TAOK3: variants seen among roughly 807,000 people sequenced by gnomAD.
TAOK3 encodes the protein serine/threonine-protein kinase TAO3.
TAOK3 carries 40 observed loss-of-function variants against 120.4 expected under a neutral mutation model. That is an observed-to-expected ratio of 0.33 (90% confidence interval 0.26 to 0.43). TAOK3 has a LOEUF of 0.43. Among genes scored for constraint, TAOK3 ranks in the 20% least tolerant of loss-of-function variants. TAOK3 has a pLI of 1.00. For missense variants in TAOK3, 821 were observed against 1,112.1 expected, an observed-to-expected ratio of 0.74 and a Z score of 3.72; for synonymous variants, 355 against 387.5, an observed-to-expected ratio of 0.92 and a Z score of 0.99.
At chr12:118,169,166 A>G (rs1398206029) in intron 17 of TAOK3, among the ~76,000 whole-genome samples, 1 of 151,834 alleles carries the variant, frequency 6.6e-6, no homozygotes, top group Non-Finnish European at 1.5e-5. Flanking sequence ...GGCACCCACC[A>G]CCACACTTGG....
At chr12:118,319,984 A>G (rs2043633761) in intron 1 of TAOK3, among the ~76,000 whole-genome samples, 1 of 152,234 alleles carries the variant, frequency 6.6e-6, no homozygotes, top group African/African-American at 2.4e-5. Flanking sequence ...GATGAACAAA[A>G]TGTGGGATAT....
chr12:118,343,109 T>G (rs2044695674), intron 1 of TAOK3, among the ~76,000 whole-genome samples: 1 of 151,904 alleles, frequency 6.6e-6, no homozygotes, highest in South Asian at 2.1e-4. Flanking sequence ...TGGAGTAAAT[T>G]TATTAATCAA....
At chr12:118,310,055 G>A (rs369267406) in intron 1 of TAOK3, among the ~76,000 whole-genome samples, 8 of 152,162 alleles carry the variant, frequency 5.3e-5, no homozygotes, top group East Asian at 3.9e-4. Context: ...CAGGCAGATC[G>A]CTTGAGCCCA....
intron 12 of TAOK3, 122 bp downstream of exon 12, chr12:118,201,174 G>A (rs2139276302): frequency 1.1e-6 from 1 of 935,032 alleles, no homozygotes. Context: ...AACCCTTCAT[G>A]TTTCTTAAGG....
intron 1 of TAOK3, among the ~76,000 whole-genome samples, chr12:118,292,266 TCA>T (rs1301709447): frequency 6.6e-6 from 1 of 152,222 alleles, no homozygotes; most frequent in African/African-American, 2.4e-5. Flanking sequence ...AGGGCTTCAT[TCA>T]GTCTTTTATT....
intron 11 of TAOK3, among the ~76,000 whole-genome samples, chr12:118,207,052 C>A (rs1254444478): frequency 6.6e-6 from 1 of 152,040 alleles, no homozygotes; most frequent in Non-Finnish European, 1.5e-5. Flanking sequence ...ATCGGCCAGG[C>A]ACGGTGGGTC....
intron 1 of TAOK3, among the ~76,000 whole-genome samples, chr12:118,341,449 A>G (rs2044615925): frequency 6.6e-6 from 1 of 152,120 alleles, no homozygotes; most frequent in African/African-American, 2.4e-5. Context: ...ATCTGTCCAA[A>G]TTTTGTTTTA....
At chr12:118,286,654 A>G (rs954171546) in intron 1 of TAOK3, among the ~76,000 whole-genome samples, 2 of 152,204 alleles carry the variant, frequency 1.3e-5, no homozygotes, top group African/African-American at 4.8e-5. Context: ...TGTGGAAAAC[A>G]GTGTGGAGAT....
At chr12:118,223,335 A>C (rs1446640884) in intron 9 of TAOK3, among the ~76,000 whole-genome samples, 1 of 149,594 alleles carries the variant, frequency 6.7e-6, no homozygotes, top group Non-Finnish European at 1.5e-5. Context: ...CTGGGATTAC[A>C]AGCGTGAGCC....
At chr12:118,163,450 G>GT (rs2035356420) in intron 17 of TAOK3, among the ~76,000 whole-genome samples, 2 of 117,926 alleles carry the variant, frequency 1.7e-5, no homozygotes, top group African/African-American at 3.0e-5. Flanking sequence ...TTTTTTTTTG[G>GT]GGGGGGTGGG....
chr12:118,336,307 G>C lies in TAOK3; in HGVS notation c.-194+36341C>G, dbSNP rs113165684. 2.2e-4 allele frequency among the ~76,000 whole-genome samples: 33 copies of C among 152,242 alleles called. No homozygotes were observed. The Middle Eastern group carries it at 0.01, about 47-fold the overall frequency. ...TAGACATACACGGATATGTCCATCT[G>C]ATTTATTTACAAAGGTGATTATTTA... On this transcript the variant is annotated intron_variant, in intron 1 of 20. Transcript: ENST00000392533.
chr12:118,188,066 T>C (rs1481496964), intron 14 of TAOK3, among the ~76,000 whole-genome samples: 1 of 152,076 alleles, frequency 6.6e-6, no homozygotes, highest in Non-Finnish European at 1.5e-5. Flanking sequence ...GAATATATGA[T>C]GTGGGAATGA....
At chr12:118,281,003 G>A (rs750718684) in intron 1 of TAOK3, among the ~76,000 whole-genome samples, 2 of 152,030 alleles carry the variant, frequency 1.3e-5, no homozygotes, top group South Asian at 2.1e-4. Flanking sequence ...TGGCTTGGAC[G>A]CTCTTCATAT....
intron 1 of TAOK3, among the ~76,000 whole-genome samples, chr12:118,289,296 C>CAAAAAAAAA (rs59297201): frequency 1.3e-5 from 1 of 78,716 alleles, no homozygotes. Flanking sequence ...AAGACTGTCT[C>CAAAAAAAAA]AAAAAAAAAA....
At chr12:118,348,090 C>T (rs1354615263) in intron 1 of TAOK3, among the ~76,000 whole-genome samples, 1 of 152,200 alleles carries the variant, frequency 6.6e-6, no homozygotes, top group African/African-American at 2.4e-5. Context: ...CCAAAAAATA[C>T]ATTGATTATG....
In TAOK3 at chr12:118,243,436, G is replaced by A. The variant is rs776733374; in HGVS notation, c.273C>T (p.Tyr91=). ...HPNTIEYKGC[Y]LKEHTAWLVM... ...TTACCCAAGCAGTGTGTTCTTTCAA[G>A]TAACAGCCTTTGTACTCAATAGTAT... Residue 91 remains tyrosine, a synonymous_variant, in exon 5 of 21, where the codon TAC becomes TAT. Transcript: ENST00000392533. 1 of 1,570,614 alleles carries A rather than the reference G, an allele frequency of 6.4e-7. No individual in the cohort carries two copies.
chr12:118,291,407 C>T (rs142036593), intron 1 of TAOK3, among the ~76,000 whole-genome samples: 138 of 150,926 alleles, frequency 9.1e-4, no homozygotes, highest in African/African-American at 3.1e-3. Flanking sequence ...GTGATTCGCC[C>T]GCCTCGGCCT....
intron 1 of TAOK3, among the ~76,000 whole-genome samples, chr12:118,295,867 T>C (rs74239259): frequency 0.054 from 8,265 of 152,310 alleles, 464 homozygotes; most frequent in East Asian, 0.25. Flanking sequence ...GAGTAAAACA[T>C]TGCATTTACT....
chr12:118,365,635 T>G (rs2141318556), intron 1 of TAOK3, among the ~76,000 whole-genome samples: 1 of 152,330 alleles, frequency 6.6e-6, no homozygotes, highest in Middle Eastern at 3.4e-3. Context: ...ATCTACTAGT[T>G]TGCTGATCAT....
Sources: allele counts gnomAD v4.1 joint callset (sites outside exome capture counted in the v4.1 genomes callset), GRCh38; gene constraint gnomAD v4.1.1; transcripts MANE v1.5; gene names NCBI Gene and HGNC (gene_info 2026-07-23, HGNC 2026-07-21).